The following CTSO variants were observed in gnomAD, a reference collection of about 807,000 sequenced individuals.
The protein encoded by CTSO is cathepsin O.
Under a neutral mutation model 42.4 loss-of-function variants are expected in CTSO, and 40 were observed. That is an observed-to-expected ratio of 0.94 (90% CI 0.73 to 1.23). CTSO has a LOEUF of 1.23. CTSO is among the 50% of genes most tolerant of loss of function. The pLI is 0.00. For missense variants in CTSO, 441 were observed against 396.0 expected (o/e 1.11, Z -0.96); for synonymous variants, 156 against 146.2 (o/e 1.07, Z -0.48).
At chr4:155,929,784 G>T (rs747943260) in intron 5 of CTSO, 79 bp from the exon 6 acceptor site, 3 of 1,354,932 alleles carry the variant, frequency 2.2e-6, no homozygotes, top group Non-Finnish European at 3.0e-6. Context: ...ATCTGTGTAT[G>T]ATTCTGAGTA....
At position 155,925,938 on chromosome 4, in the gene CTSO, T is replaced by G; in HGVS notation, c.*98A>C. On this transcript the variant is annotated 3_prime_UTR_variant, in exon 8 of 8. Coordinates refer to ENST00000433477, the MANE Select transcript of CTSO (RefSeq NM_001334.3). ...GGCCTTAGAATCTTTTGTAGGTAGT[T>G]GCTGAAACTTGAAGTTGAATAATAC... 1 of 1,005,464 alleles carries G rather than the reference T, an allele frequency of 9.9e-7. No individual in the cohort carries two copies. The highest frequency in any genetic ancestry group is 1.5e-6 in the Non-Finnish European group (1 of 659,724). The allele number at this position is 1,005,464 out of a possible 1,614,324, so 62.3% of individuals were successfully genotyped here.
intron 7 of CTSO, among the ~76,000 whole-genome samples, chr4:155,927,893 A>G (rs1351658160): frequency 6.6e-6 from 1 of 152,210 alleles, no homozygotes; most frequent in East Asian, 1.9e-4. Context: ...TAAATCACAA[A>G]CAATACTAAT....
At chr4:155,930,700 G>A (rs1743219878) in intron 5 of CTSO, among the ~76,000 whole-genome samples, 1 of 152,096 alleles carries the variant, frequency 6.6e-6, no homozygotes, top group South Asian at 2.1e-4. Flanking sequence ...ACCAGCTGGA[G>A]ACCAGTTTCT....
chr4:155,937,721 C>A (rs1743354641), intron 4 of CTSO, among the ~76,000 whole-genome samples: 1 of 151,936 alleles, frequency 6.6e-6, no homozygotes, highest in Non-Finnish European at 1.5e-5. Flanking sequence ...CACCAGTGAT[C>A]ATCCCACCTC....
chr4:155,931,125 G>T (rs1327746666), intron 5 of CTSO, among the ~76,000 whole-genome samples: 1 of 152,034 alleles, frequency 6.6e-6, no homozygotes, highest in South Asian at 2.1e-4. Flanking sequence ...TTACAATAAG[G>T]ATTATTTATT....
chr4:155,943,580 TGC>T (rs1743479356), intron 1 of CTSO, among the ~76,000 whole-genome samples: 1 of 152,122 alleles, frequency 6.6e-6, no homozygotes, highest in Non-Finnish European at 1.5e-5. Flanking sequence ...AGAAATAGAC[TGC>T]AAATAAACAC....
intron 7 of CTSO, among the ~76,000 whole-genome samples, chr4:155,927,768 C>T (rs771175309): frequency 3.3e-5 from 5 of 151,294 alleles, no homozygotes; most frequent in Admixed American, 1.3e-4. Flanking sequence ...GAGCGAGACT[C>T]TATCTCAAAA....
In CTSO at chr4:155,925,953, T is replaced by G; in HGVS notation, c.*83A>C. 8.3e-7 allele frequency: 1 copy of G among 1,201,476 alleles called. No homozygotes were observed. Among genetic ancestry groups the G allele is most frequent in the Non-Finnish European group, 1.2e-6 (1 of 832,266 alleles). 74.4% of individuals were successfully genotyped at this position (1,201,476 alleles called of 1,614,324 possible). A position where few individuals can be genotyped will look rare whatever the true frequency, so the allele number is the denominator to read the frequency against. On this transcript the variant is annotated 3_prime_UTR_variant, in exon 8 of 8. Coordinates refer to ENST00000433477, the MANE Select transcript of CTSO (RefSeq NM_001334.3). ...TGTAGGTAGTTGCTGAAACTTGAAG[T>G]TGAATAATACTTTGAAGTACTATGT...
Position 155,926,009 on chromosome 4 carries a change from T to G in CTSO, c.*27A>C. 6.3e-7 allele frequency: 1 copy of G among 1,595,236 alleles called. No homozygotes were observed. The highest frequency in any genetic ancestry group is 8.6e-7 in the Non-Finnish European group (1 of 1,168,410). On this transcript the variant is annotated 3_prime_UTR_variant, in exon 8 of 8. Coordinates refer to ENST00000433477, the MANE Select transcript of CTSO (RefSeq NM_001334.3). The stretch of plus-strand genomic sequence containing the variant: ...TGCATTATGAAAACCTTCATTTTTG[T>G]AGCTGTCTCTTGATCTGCCCAACAT...
chr4:155,932,950 T>C (rs1250060943), intron 5 of CTSO, among the ~76,000 whole-genome samples: 1 of 152,176 alleles, frequency 6.6e-6, no homozygotes, highest in African/African-American at 2.4e-5. Flanking sequence ...CTAGACTCTC[T>C]TCTCTCTTAT....
chr4:155,946,413 A>G (rs534996872), intron 1 of CTSO, among the ~76,000 whole-genome samples: 1 of 152,170 alleles, frequency 6.6e-6, no homozygotes, highest in Non-Finnish European at 1.5e-5. Context: ...TTATGTCCCT[A>G]ATTTTCAATG....
chr4:155,941,063 A>T (rs187818307), intron 3 of CTSO, among the ~76,000 whole-genome samples: 77 of 152,374 alleles, frequency 5.1e-4, no homozygotes, highest in Non-Finnish European at 7.8e-4. Context: ...AAATCCAATA[A>T]TAAAGCAAAT....
intron 6 of CTSO, 56 bp downstream of exon 6, chr4:155,929,485 AT>A (rs1305817220): frequency 6.5e-7 from 1 of 1,541,932 alleles, no homozygotes; most frequent in East Asian, 2.3e-5. Flanking sequence ...TATGGTGATC[AT>A]TTTGCACTCA....
rs757766523 is a variant in CTSO at position 155,928,361 on chromosome 4, A to G, written c.906T>C (p.His302=). Residue 302 remains histidine, a synonymous_variant, in exon 7 of 8, where the codon CAT becomes CAC. Transcript: ENST00000433477. ...CACAAACATTACTTCCCATTTTGAC[A>G]TGGGCATAACCATCTACTCCCCAAG... ...GSSWGVDGYA[H]VKMGSNVCGI... 7 of 1,612,560 alleles carry G rather than the reference A, an allele frequency of 4.3e-6. No individual in the cohort carries two copies. The Admixed American group carries it at 1.0e-4, about 23-fold the overall frequency.
At position 155,949,087 on chromosome 4, in the gene CTSO, T is replaced by C. The variant is rs116754836; in HGVS notation, c.135+4626A>G. On this transcript the variant is annotated intron_variant, in intron 1 of 7. Transcript: ENST00000433477. Reference sequence around the variant, plus strand: ...GTTCTCAGCCACTGAATGCACTAAATACAAAGGGTTGAAGGGATTGTTAAA... The same window carrying C: ...GTTCTCAGCCACTGAATGCACTAAACACAAAGGGTTGAAGGGATTGTTAAA... Among the ~76,000 whole-genome samples the C allele has an allele frequency of 3.1e-3, 475 of 152,340 alleles. 3 individuals are homozygous for C. The highest frequency in any genetic ancestry group is 0.011 in the African/African-American group (452 of 41,584).
intron 3 of CTSO, among the ~76,000 whole-genome samples, chr4:155,939,806 G>A (rs13124677): frequency 0.19 from 28,483 of 152,116 alleles, 3,140 homozygotes; most frequent in Middle Eastern, 0.41. Flanking sequence ...TTTAGAGACC[G>A]AGGAAATACT....
chr4:155,932,148 G>T (rs909147242), intron 5 of CTSO, among the ~76,000 whole-genome samples: 1 of 152,098 alleles, frequency 6.6e-6, no homozygotes, highest in African/African-American at 2.4e-5. Context: ...AGAACCCTGG[G>T]TGGGAATGGT....
chr4:155,933,084 G>A (rs993364644), intron 5 of CTSO, among the ~76,000 whole-genome samples: 1 of 152,018 alleles, frequency 6.6e-6, no homozygotes, highest in African/African-American at 2.4e-5. Context: ...CCACTGCTTG[G>A]TGACTGAGAT....
intron 4 of CTSO, 71 bp downstream of exon 4, chr4:155,939,300 T>A: frequency 7.5e-7 from 1 of 1,328,510 alleles, no homozygotes; most frequent in South Asian, 1.6e-5. Context: ...AACAAACTGT[T>A]TGAATTTTGA....
Sources: allele counts gnomAD v4.1 joint callset (sites outside exome capture counted in the v4.1 genomes callset), GRCh38; gene constraint gnomAD v4.1.1; transcripts MANE v1.5; gene names NCBI Gene and HGNC (gene_info 2026-07-23, HGNC 2026-07-21).